The following DYRK3 variants were observed in gnomAD, a reference collection of about 807,000 sequenced individuals.
DYRK3 encodes the protein dual specificity tyrosine phosphorylation regulated kinase 3.
Under a neutral mutation model 40.8 loss-of-function variants are expected in DYRK3, and 30 were observed. That is an observed-to-expected ratio of 0.74 (90% CI 0.55 to 1.00). The LOEUF (loss-of-function observed/expected upper bound fraction) is 1.00. DYRK3 is among the 50% of genes least tolerant of loss of function. The pLI is 0.00. For missense variants in DYRK3, 699 were observed against 731.5 expected, an observed-to-expected ratio of 0.96 and a Z score of 0.51; for synonymous variants, 272 against 260.7, an observed-to-expected ratio of 1.04 and a Z score of -0.42.
chr1:206,636,689 C>T (rs781832789), intron 1 of DYRK3, among the ~76,000 whole-genome samples: 2 of 152,002 alleles, frequency 1.3e-5, no homozygotes, highest in Non-Finnish European at 2.9e-5. Flanking sequence ...TTTTAAAAGA[C>T]GTTAAAAAAT....
chr1:206,642,462 A>G (rs1305961359), intron 2 of DYRK3, among the ~76,000 whole-genome samples: 4 of 152,332 alleles, frequency 2.6e-5, no homozygotes, highest in African/African-American at 9.6e-5. Context: ...TCATGCTGCT[A>G]TAAAGACACA....
chr1:206,644,882 A>G (rs1671405518), intron 2 of DYRK3, among the ~76,000 whole-genome samples: 1 of 152,184 alleles, frequency 6.6e-6, no homozygotes, highest in Non-Finnish European at 1.5e-5. Context: ...TTTCTTGACC[A>G]GTGATAGTTT....
In DYRK3 at chr1:206,647,522, T is replaced by C; in HGVS notation, c.324T>C (p.Ser108=). ...NTIQSDGISD[S]EKCSPTVSQG... ...TTCAGTCAGATGGCATCAGTGACTC[T>C]GAAAAATGCTCTCCTACTGTTTCTC... The change falls in exon 3 of 3, where the codon TCT becomes TCC. Residue 108 remains serine, a synonymous_variant. Coordinates refer to ENST00000367109, the MANE Select transcript of DYRK3 (RefSeq NM_003582.4). 1 of 1,614,188 alleles carries C rather than the reference T, an allele frequency of 6.2e-7. No individual in the cohort carries two copies.
chr1:206,637,620 A>G, intron 1 of DYRK3, 30 bp from the exon 2 acceptor site: 1 of 1,496,144 alleles, frequency 6.7e-7, no homozygotes, highest in Non-Finnish European at 9.3e-7. Flanking sequence ...TCAGTTCCTG[A>G]CAGATTTTGT....
chr1:206,648,302 A>G lies in DYRK3; in HGVS notation c.1104A>G (p.Thr368=). The G allele has an allele frequency of 2.5e-6, 4 of 1,614,162 alleles. No homozygotes were observed. Among genetic ancestry groups the G allele is most frequent in the South Asian group, 1.1e-5 (1 of 91,076 alleles). Residue 368 remains threonine, a synonymous_variant, in exon 3 of 3, where the codon ACA becomes ACG. Transcript: ENST00000367109. ...GTTTCGAGTACCAGAAGCTCTACACATATATCCAGTCTCGGTTCTACAGAG... is the reference window on the plus strand; with the variant it reads ...GTTTCGAGTACCAGAAGCTCTACACGTATATCCAGTCTCGGTTCTACAGAG... The part of the protein sequence containing the change: ...SSCFEYQKLY[T]YIQSRFYRAP...
intron 2 of DYRK3, among the ~76,000 whole-genome samples, chr1:206,638,103 A>C (rs987281057): frequency 5.3e-5 from 8 of 152,172 alleles, no homozygotes; most frequent in Admixed American, 1.3e-4. Context: ...AAGAAACAGA[A>C]AACATGTCAG....
chr1:206,644,597 T>G (rs1671394758), intron 2 of DYRK3, among the ~76,000 whole-genome samples: 1 of 152,204 alleles, frequency 6.6e-6, no homozygotes, highest in South Asian at 2.1e-4. Flanking sequence ...TGGAATGCAG[T>G]GGTGCGATCT....
At chr1:206,636,515 A>G (rs1446216922) in intron 1 of DYRK3, among the ~76,000 whole-genome samples, 1 of 152,238 alleles carries the variant, frequency 6.6e-6, no homozygotes, top group African/African-American at 2.4e-5. Flanking sequence ...CCTGTTAAAA[A>G]TATAAATAAT....
Position 206,635,536 on chromosome 1 carries a change from A to C in DYRK3, c.-168A>C. On this transcript the variant is annotated 5_prime_UTR_variant, in exon 1 of 3. Coordinates refer to ENST00000367109, the MANE Select transcript of DYRK3 (RefSeq NM_003582.4). ...CCCGCCCCTGGAGCTGCGTCTCCCC[A>C]CTTCCCAGCCGGGGCCAGTCGGGAG... 1 of 892,838 alleles carries C rather than the reference A, an allele frequency of 1.1e-6. No individual in the cohort carries two copies. The highest frequency in any genetic ancestry group is 1.5e-6 in the Non-Finnish European group (1 of 679,746). 55.3% of individuals were successfully genotyped at this position (892,838 alleles called of 1,614,324 possible).
intron 2 of DYRK3, among the ~76,000 whole-genome samples, chr1:206,645,831 T>C (rs1671436137): frequency 6.6e-6 from 1 of 151,522 alleles, no homozygotes; most frequent in Non-Finnish European, 1.5e-5. Context: ...CTGGCCAAAG[T>C]TTTTATTTTA....
At position 206,650,885 on chromosome 1, in the gene DYRK3, CT is replaced by C. The variant is rs1553421221; in HGVS notation, c.*1922del. Among the ~76,000 whole-genome samples the C allele has an allele frequency of 6.6e-6, 1 of 152,182 alleles. No individual in the cohort carries two copies. Among genetic ancestry groups the C allele is most frequent in the African/African-American group, 2.4e-5 (1 of 41,424 alleles). On this transcript the variant is annotated 3_prime_UTR_variant, in exon 3 of 3. Coordinates refer to ENST00000367109, the MANE Select transcript of DYRK3 (RefSeq NM_003582.4). The stretch of plus-strand genomic sequence containing the variant: ...TGGCAGAGAACAGCTTAAACTGAGC[CT>C]TCAGCCTCATTAATAGGAGGAAGTC...
chr1:206,649,311 A>G lies in DYRK3; in HGVS notation c.*346A>G, dbSNP rs1671568426. On this transcript the variant is annotated 3_prime_UTR_variant, in exon 3 of 3. Transcript: ENST00000367109. The stretch of plus-strand genomic sequence containing the variant: ...AGTATCCCAACTACTCCTCGCTTCT[A>G]GTGTCCCTCGGCATCTGTTCTGGAG... 4.6e-6 allele frequency: 1 copy of G among 219,730 alleles called. No homozygotes were observed. The highest frequency in any genetic ancestry group is 9.2e-6 in the Non-Finnish European group (1 of 108,468). The allele number at this position is 219,730 out of a possible 1,614,324, so 13.6% of individuals were successfully genotyped here.
intron 2 of DYRK3, among the ~76,000 whole-genome samples, chr1:206,639,924 A>ATTTCT (rs1553419043): frequency 4.9e-5 from 6 of 122,610 alleles, no homozygotes; most frequent in African/African-American, 1.8e-4. Context: ...CTCATTACTC[A>ATTTCT]TTTCTTTTTT....
chr1:206,648,756 C>G lies in DYRK3; in HGVS notation c.1558C>G (p.Pro520Ala), dbSNP rs1671544179. Reference sequence around the variant, plus strand: ...GACCCCAGCTCAAGCATTAAGACACCCTTGGATTAGCAAGTCTGTCCCCAG... The same window carrying G: ...GACCCCAGCTCAAGCATTAAGACACGCTTGGATTAGCAAGTCTGTCCCCAG... ...RLTPAQALRH[P>A]WISKSVPRPL... The change falls in exon 3 of 3, where the codon CCT (proline) becomes GCT (alanine). Residue 520 changes from proline (P) to alanine (A), a missense_variant. Coordinates refer to ENST00000367109, the MANE Select transcript of DYRK3 (RefSeq NM_003582.4). 1 of 1,613,922 alleles carries G rather than the reference C, an allele frequency of 6.2e-7. No homozygotes were observed. The highest frequency in any genetic ancestry group is 1.3e-5 in the African/African-American group (1 of 74,882).
At position 206,641,764 on chromosome 1, in the gene DYRK3, T is replaced by A. The variant is rs112247606; in HGVS notation, c.189+4003T>A. Among the ~76,000 whole-genome samples, 65 of 150,548 alleles carry A rather than the reference T, an allele frequency of 4.3e-4. 3 individuals are homozygous for A. The highest frequency in any genetic ancestry group is 8.8e-4 in the Non-Finnish European group (60 of 68,004). ...AACTGGATCCCTTCCCTACACCTTA[T>A]GCAAAAATTAATTCAAGATGGATTA... On this transcript the variant is annotated intron_variant, in intron 2 of 2. Coordinates refer to ENST00000367109, the MANE Select transcript of DYRK3 (RefSeq NM_003582.4).
Position 206,648,447 on chromosome 1 carries a change from C to G in DYRK3, c.1249C>G (p.Gln417Glu). ...CTTCCCTGGAGAGGATGAAGGAGAC[C>G]AGTTGGCCTGCATGATGGAGCTTCT... ...PLFPGEDEGD[Q>E]LACMMELLGM... The change falls in exon 3 of 3, where the codon CAG becomes GAG. Residue 417 changes from glutamine to glutamate, a missense_variant. By Grantham distance (29) the Gln-to-Glu change is conservative. Transcript: ENST00000367109. 6.2e-7 allele frequency: 1 copy of G among 1,614,140 alleles called. No individual in the cohort carries two copies. Among genetic ancestry groups the G allele is most frequent in the Non-Finnish European group, 8.5e-7 (1 of 1,180,024 alleles).
intron 2 of DYRK3, among the ~76,000 whole-genome samples, chr1:206,645,550 G>C (rs958242107): frequency 1.1e-4 from 16 of 151,828 alleles, no homozygotes; most frequent in Admixed American, 4.6e-4. Context: ...CTCTCACTCT[G>C]TTGCCAAGGC....
intron 1 of DYRK3, chr1:206,636,861 G>T: frequency 6.4e-7 from 1 of 1,562,970 alleles, no homozygotes; most frequent in South Asian, 1.1e-5. Flanking sequence ...TCCGTCTTTT[G>T]TGTTCCCTTA....
In DYRK3 at chr1:206,636,918, C is replaced by T. The variant is rs200283372; in HGVS notation, c.78-732C>T. Reference sequence around the variant, plus strand: ...AAAGAACAGAGAAGTGATCCTTAATCATTTAGAATTTTGCCTCCACCATCC... The same window carrying T: ...AAAGAACAGAGAAGTGATCCTTAATTATTTAGAATTTTGCCTCCACCATCC... On this transcript the variant is annotated intron_variant, in intron 1 of 2. Transcript: ENST00000367109. The T allele has an allele frequency of 1.1e-4, 185 of 1,613,442 alleles. No individual in the cohort carries two copies. In the African/African-American group the frequency reaches 2.3e-3, roughly 20 times the overall value.
Sources: allele counts gnomAD v4.1 joint callset (sites outside exome capture counted in the v4.1 genomes callset), GRCh38; gene constraint gnomAD v4.1.1; transcripts MANE v1.5; gene names NCBI Gene and HGNC (gene_info 2026-07-23, HGNC 2026-07-21).